MYO1D: variants seen among roughly 807,000 people sequenced by gnomAD.
MYO1D encodes the protein unconventional myosin-Id.
Under a neutral mutation model 122.0 loss-of-function variants are expected in MYO1D, and 83 were observed. That is an observed-to-expected ratio of 0.68 (90% CI 0.57 to 0.82). The LOEUF (loss-of-function observed/expected upper bound fraction) is 0.82, where lower values mean the gene tolerates loss of function less well. MYO1D is among the 40% of genes least tolerant of loss of function. The pLI, the probability that MYO1D is intolerant of heterozygous loss-of-function variation, is 0.00. For synonymous variants in MYO1D, 464 were observed against 446.9 expected, an observed-to-expected ratio of 1.04 and a Z score of -0.48; for missense variants, 1,157 against 1,269.5, an observed-to-expected ratio of 0.91 and a Z score of 1.35.
At chr17:32,525,498 G>A (rs1273305298) in intron 21 of MYO1D, among the ~76,000 whole-genome samples, 2 of 151,324 alleles carry the variant, frequency 1.3e-5, no homozygotes, top group African/African-American at 4.9e-5. Flanking sequence ...TTTTTCTTGG[G>A]ATATAATAAG....
At chr17:32,687,418 C>T (rs1444993484) in intron 16 of MYO1D, among the ~76,000 whole-genome samples, 1 of 152,134 alleles carries the variant, frequency 6.6e-6, no homozygotes, top group South Asian at 2.1e-4. Context: ...AGGATGGTCT[C>T]GATCTCCTGA....
At chr17:32,676,394 A>G (rs1282999067) in intron 16 of MYO1D, among the ~76,000 whole-genome samples, 1 of 147,326 alleles carries the variant, frequency 6.8e-6, no homozygotes, top group Non-Finnish European at 1.5e-5. Flanking sequence ...TACTTTACAT[A>G]ATGATCTGTA....
intron 1 of MYO1D, among the ~76,000 whole-genome samples, chr17:32,859,411 G>A (rs2091051839): frequency 6.6e-6 from 1 of 152,118 alleles, no homozygotes; most frequent in Non-Finnish European, 1.5e-5. Context: ...AGGTCCTCAT[G>A]CATTGGCCCC....
chr17:32,542,475 GT>G (rs1442498331), intron 21 of MYO1D, among the ~76,000 whole-genome samples: 1 of 152,094 alleles, frequency 6.6e-6, no homozygotes, highest in Non-Finnish European at 1.5e-5. Flanking sequence ...GGTTTTGTCA[GT>G]TTATTAACAC....
chr17:32,862,774 T>C (rs1044999415), intron 1 of MYO1D: 2 of 152,258 alleles, frequency 1.3e-5, no homozygotes, highest in Non-Finnish European at 2.9e-5. Flanking sequence ...TAAGTTGTAA[T>C]ACATTTGTTA....
At chr17:32,735,899 T>G (rs2089695874) in intron 14 of MYO1D, among the ~76,000 whole-genome samples, 1 of 152,158 alleles carries the variant, frequency 6.6e-6, no homozygotes, top group East Asian at 1.9e-4. Flanking sequence ...TTTCTACGTC[T>G]TTGTTTTTGA....
chr17:32,590,462 T>A (rs1220798817), intron 21 of MYO1D, among the ~76,000 whole-genome samples: 1 of 152,202 alleles, frequency 6.6e-6, no homozygotes, highest in Non-Finnish European at 1.5e-5. Flanking sequence ...CCAGGCAGTA[T>A]AATGTACATG....
intron 21 of MYO1D, among the ~76,000 whole-genome samples, chr17:32,561,942 C>A (rs1212419431): frequency 2.0e-5 from 3 of 151,736 alleles, no homozygotes; most frequent in Admixed American, 2.0e-4. Context: ...AAGTTCAAAG[C>A]AGTAAAAACA....
chr17:32,703,865 T>C (rs905934839), intron 16 of MYO1D, among the ~76,000 whole-genome samples: 1 of 152,242 alleles, frequency 6.6e-6, no homozygotes, highest in African/African-American at 2.4e-5. Flanking sequence ...ATGCAACAAA[T>C]AAGTGTCCTA....
In MYO1D at chr17:32,588,970, CAAAAA is replaced by C. The variant is rs138833745; in HGVS notation, c.2864+16112_2864+16116del. 4.0e-5 allele frequency among the ~76,000 whole-genome samples: 6 copies of C among 150,110 alleles called. No individual in the cohort carries two copies. In the East Asian group the frequency reaches 1.2e-3, roughly 29 times the overall value. On this transcript the variant is annotated intron_variant, in intron 21 of 21. Transcript: ENST00000318217. ...AAAACAAACAAACAAACAAATAAAA[CAAAAA>C]AAAAACCCACAAAAAACAAAAACAA...
Position 32,755,499 on chromosome 17 carries a change from C to T in MYO1D, c.1460G>A (p.Ser487Asn). 1 of 1,613,554 alleles carries T rather than the reference C, an allele frequency of 6.2e-7. No homozygotes were observed. The highest frequency in any genetic ancestry group is 8.5e-7 in the Non-Finnish European group (1 of 1,179,644). Residue 487 changes from serine to asparagine, a missense_variant, in exon 11 of 22, where the codon AGC becomes AAC. By Grantham distance (46) the Ser-to-Asn change is conservative. Transcript: ENST00000318217. Reference protein sequence around the residue: ...SKLGKHAHFSSRKLCASDKIL... With the variant: ...SKLGKHAHFSNRKLCASDKIL... ...TGTCATTAAACACATTACCTTTCGG[C>T]TGGAAAAATGGGCGTGTTTGCCCAA...
At chr17:32,528,674 G>GTATTCTTTTAAA (rs1179705465) in intron 21 of MYO1D, among the ~76,000 whole-genome samples, 1 of 152,170 alleles carries the variant, frequency 6.6e-6, no homozygotes, top group Non-Finnish European at 1.5e-5. Context: ...ACAATCACAA[G>GTATTCTTTTAAA]TATTCTTTTA....
intron 21 of MYO1D, among the ~76,000 whole-genome samples, chr17:32,528,709 C>CA (rs1437710464): frequency 6.6e-6 from 1 of 152,142 alleles, no homozygotes; most frequent in Non-Finnish European, 1.5e-5. Context: ...GGAGATCTGA[C>CA]ACAGACAGGA....
intron 16 of MYO1D, among the ~76,000 whole-genome samples, chr17:32,701,029 T>A (rs532385287): frequency 1.1e-4 from 17 of 151,014 alleles, no homozygotes; most frequent in Non-Finnish European, 2.4e-4. Flanking sequence ...CAATACATCA[T>A]TAACTAAAGC....
chr17:32,581,224 G>A (rs2087335580), intron 21 of MYO1D, among the ~76,000 whole-genome samples: 1 of 151,978 alleles, frequency 6.6e-6, no homozygotes, highest in African/African-American at 2.4e-5. Context: ...AAATTTACTG[G>A]CATAAAGTTG....
chr17:32,697,120 G>A (rs2089183346), intron 16 of MYO1D, among the ~76,000 whole-genome samples: 2 of 152,136 alleles, frequency 1.3e-5, no homozygotes, highest in South Asian at 2.1e-4. Context: ...CTAGGGCCTC[G>A]TAATTACTCC....
At chr17:32,676,811 A>G (rs992008133) in intron 16 of MYO1D, among the ~76,000 whole-genome samples, 2 of 152,070 alleles carry the variant, frequency 1.3e-5, no homozygotes, top group African/African-American at 4.8e-5. Flanking sequence ...TATGAAAAAT[A>G]GAATTTTTTT....
chr17:32,654,383 G>GT, intron 18 of MYO1D, 94 bp downstream of exon 18: 1 of 1,363,342 alleles, frequency 7.3e-7, no homozygotes, highest in Non-Finnish European at 1.0e-6. Context: ...TTCTAAAAGT[G>GT]TTTTATCCTT....
At position 32,755,682 on chromosome 17, in the gene MYO1D, G is replaced by A. The variant is rs774033037; in HGVS notation, c.1297-20C>T. ...GTCAATCTGTAGGACACAGCAAGGA[G>A]GGAATTCTGAAGAGAACAGTGACCA... On this transcript the variant is annotated intron_variant, in intron 10 of 21. Coordinates refer to ENST00000318217, the MANE Select transcript of MYO1D (RefSeq NM_015194.3). The A allele has an allele frequency of 2.5e-6, 4 of 1,605,390 alleles. No homozygotes were observed. Among genetic ancestry groups the A allele is most frequent in the Non-Finnish European group, 2.6e-6 (3 of 1,174,316 alleles).
Sources: allele counts gnomAD v4.1 joint callset (sites outside exome capture counted in the v4.1 genomes callset), GRCh38; gene constraint gnomAD v4.1.1; transcripts MANE v1.5; gene names NCBI Gene and HGNC (gene_info 2026-07-23, HGNC 2026-07-21).